Variants in PCBP3 observed in about 807,000 individuals in gnomAD.
PCBP3 encodes the protein poly(rC)-binding protein 3.
Under a neutral mutation model 52.7 loss-of-function variants are expected in PCBP3, and 25 were observed. That is an observed-to-expected ratio of 0.47 (90% CI 0.35 to 0.66). The LOEUF (loss-of-function observed/expected upper bound fraction) is 0.66. Ranked by LOEUF, PCBP3 falls within the 30% of genes least tolerant of loss-of-function variation. PCBP3 has a pLI of 0.01. For synonymous variants in PCBP3, 162 were observed against 183.0 expected (o/e 0.89, Z 0.93); for missense variants, 391 against 490.3 (o/e 0.80, Z 1.91).
intron 4 of PCBP3, among the ~76,000 whole-genome samples, chr21:45,784,613 G>C (rs1404142914): frequency 6.6e-6 from 1 of 152,198 alleles, no homozygotes; most frequent in Non-Finnish European, 1.5e-5. Context: ...GGCGCGCGCC[G>C]CCACGCCTGA....
rs1388364374 is a variant in PCBP3 at position 45,928,671 on chromosome 21, G to C, written c.718-1246G>C. The stretch of plus-strand genomic sequence containing the variant: ...CTTCTCACGTGCAGATGGCAGCTCT[G>C]CTCCGAGCGCCCACACCCCCCAGCA... On this transcript the variant is annotated intron_variant, in intron 13 of 17. Coordinates refer to ENST00000681687, the MANE Select transcript of PCBP3 (RefSeq NM_001384156.1). This position sits in a 1 kb window ranked among gnomAD's most constrained non-coding sequence, Gnocchi z 4.1. Among the ~76,000 whole-genome samples, 2 of 152,070 alleles carry C rather than the reference G, an allele frequency of 1.3e-5. No homozygotes were observed. Among genetic ancestry groups the C allele is most frequent in the African/African-American group, 2.4e-5 (1 of 41,404 alleles).
At chr21:45,915,760 G>A (rs2073289596) in intron 12 of PCBP3, 1 of 152,392 alleles carries the variant, frequency 6.6e-6, no homozygotes, top group Admixed American at 6.5e-5. Context: ...GTCAGCCTTG[G>A]TGGTGGAGGA....
At chr21:45,699,938 G>A (rs2083008536) in intron 2 of PCBP3, among the ~76,000 whole-genome samples, 1 of 152,170 alleles carries the variant, frequency 6.6e-6, no homozygotes, top group South Asian at 2.1e-4. Context: ...CAAATCTCAT[G>A]TCTTCACATT....
At chr21:45,871,208 C>T (rs1603460039) in intron 5 of PCBP3, 1 of 167,658 alleles carries the variant, frequency 6.0e-6, no homozygotes, top group Non-Finnish European at 1.3e-5. Context: ...AGGCACCCCC[C>T]AGGGAAGGCC....
intron 1 of PCBP3, among the ~76,000 whole-genome samples, chr21:45,652,838 C>CT (rs2079778735): frequency 6.6e-6 from 1 of 152,146 alleles, no homozygotes; most frequent in South Asian, 2.1e-4. Context: ...CTTTTCTAAT[C>CT]TGAGATGAAT....
At chr21:45,726,093 G>C (rs1283377279) in intron 2 of PCBP3, among the ~76,000 whole-genome samples, 3 of 152,082 alleles carry the variant, frequency 2.0e-5, no homozygotes, top group Non-Finnish European at 2.9e-5. Context: ...GATGTGGTGC[G>C]TGCCGAGGCT....
intron 5 of PCBP3, among the ~76,000 whole-genome samples, chr21:45,861,889 C>A (rs772387421): frequency 2.0e-5 from 3 of 152,192 alleles, no homozygotes; most frequent in Non-Finnish European, 2.9e-5. Flanking sequence ...AATTTATAAA[C>A]AGAATCAATG....
At chr21:45,937,710 TG>T (rs1292985130) in intron 16 of PCBP3, among the ~76,000 whole-genome samples, 1 of 152,094 alleles carries the variant, frequency 6.6e-6, no homozygotes, top group Non-Finnish European at 1.5e-5. Flanking sequence ...CAGGTGCAGG[TG>T]GGGCCAGGTG....
rs79983536 is a variant in PCBP3 at position 45,883,406 on chromosome 21, C to T, written c.11-12802C>T. On this transcript the variant is annotated intron_variant, in intron 5 of 17. Transcript: ENST00000681687. ...TGTTCCGGAAGTGTTCGTTAGGCCCCGTTGGTTGATGGTGTTGAGTCCTTC... is the reference window on the plus strand; with the variant it reads ...TGTTCCGGAAGTGTTCGTTAGGCCCTGTTGGTTGATGGTGTTGAGTCCTTC... 5.2e-3 allele frequency among the ~76,000 whole-genome samples: 785 copies of T among 152,286 alleles called. 6 individuals carry two copies. The highest frequency in any genetic ancestry group is 0.018 in the African/African-American group (747 of 41,552).
chr21:45,787,182 A>T (rs1054303656), intron 4 of PCBP3, among the ~76,000 whole-genome samples: 2 of 152,328 alleles, frequency 1.3e-5, no homozygotes, highest in East Asian at 3.9e-4. Flanking sequence ...GCATGTGTTC[A>T]TAATCAGTGC....
At chr21:45,911,237 C>G in intron 11 of PCBP3, 1 of 662,164 alleles carries the variant, frequency 1.5e-6, no homozygotes, top group Non-Finnish European at 2.7e-6. Context: ...GGTCCAGTGT[C>G]TTCGTGGGGG....
intron 9 of PCBP3, among the ~76,000 whole-genome samples, chr21:45,901,748 G>GACAGAGAGATGAGAGAGAGAGAGACAGAA (rs2096061971): frequency 1.3e-5 from 2 of 150,784 alleles, no homozygotes; most frequent in African/African-American, 4.9e-5. Context: ...GACAGAAAGA[G>GACAGAGAGATGAGAGAGAGAGAGACAGAA]AGAGAGACAG....
At chr21:45,785,078 G>A (rs544159821) in intron 4 of PCBP3, among the ~76,000 whole-genome samples, 14 of 150,920 alleles carry the variant, frequency 9.3e-5, no homozygotes, top group Admixed American at 2.0e-4. Flanking sequence ...CTGTCGCCCC[G>A]TCCGGGATGT....
intron 2 of PCBP3, among the ~76,000 whole-genome samples, chr21:45,720,844 A>G (rs2084578599): frequency 6.6e-6 from 1 of 152,244 alleles, no homozygotes; most frequent in Non-Finnish European, 1.5e-5. Flanking sequence ...ACTTGGTTGC[A>G]TGTTCTAAGA....
rs755294096 is a variant in PCBP3 at position 45,884,082 on chromosome 21, C to T, written c.11-12126C>T. Among the ~76,000 whole-genome samples the T allele has an allele frequency of 3.3e-4, 51 of 152,256 alleles. 1 individual carries two copies. The highest frequency in any genetic ancestry group is 8.3e-4 in the South Asian group (4 of 4,824). On this transcript the variant is annotated intron_variant, in intron 5 of 17. Transcript: ENST00000681687. ...TCAAGCAGCTGGGACCACAGGCATG[C>T]ACCACCATGCCCAGCCAATTTATTT...
At chr21:45,692,800 A>G (rs1281430035) in intron 2 of PCBP3, among the ~76,000 whole-genome samples, 2 of 152,178 alleles carry the variant, frequency 1.3e-5, no homozygotes, top group Non-Finnish European at 2.9e-5. Flanking sequence ...GAATATCCGG[A>G]TACCAAAACC....
chr21:45,712,770 A>G (rs1222711416), intron 2 of PCBP3, among the ~76,000 whole-genome samples: 1 of 151,438 alleles, frequency 6.6e-6, no homozygotes, highest in Non-Finnish European at 1.5e-5. Flanking sequence ...TGGTGCAATC[A>G]TGGCTCACTG....
chr21:45,911,041 C>T lies in PCBP3; in HGVS notation c.600+11C>T, dbSNP rs755499768. The T allele has an allele frequency of 1.6e-5, 25 of 1,607,434 alleles. 1 individual carries two copies. Among genetic ancestry groups the T allele is most frequent in the Middle Eastern group, 1.6e-4 (1 of 6,062 alleles). On this transcript the variant is annotated intron_variant, in intron 11 of 17. Coordinates refer to ENST00000681687, the MANE Select transcript of PCBP3 (RefSeq NM_001384156.1). ...GTGGTCATGCTGGAGGTACCGTCTG[C>T]GCGCCAGGGCCAGCCCACGTCAGTG... is the stretch of plus-strand genomic sequence containing the variant.
intron 2 of PCBP3, among the ~76,000 whole-genome samples, chr21:45,727,339 T>C (rs748075928): frequency 1.1e-4 from 17 of 152,214 alleles, no homozygotes; most frequent in Non-Finnish European, 1.3e-4. Context: ...CACTTGTTCA[T>C]ATGTGTGTGT....
Sources: allele counts gnomAD v4.1 joint callset (sites outside exome capture counted in the v4.1 genomes callset), GRCh38; gene constraint gnomAD v4.1.1; non-coding constraint Gnocchi (gnomAD v3.1); transcripts MANE v1.5; gene names NCBI Gene and HGNC (gene_info 2026-07-23, HGNC 2026-07-21).